The following ZNF451 variants were observed in gnomAD, a reference collection of about 807,000 sequenced individuals.
ZNF451 encodes E3 SUMO-protein ligase ZNF451.
A neutral mutation model predicts 107.1 loss-of-function variants in ZNF451; 80 were observed. That is an observed-to-expected ratio of 0.75 (90% CI 0.62 to 0.90). The LOEUF is 0.90. Among genes scored for constraint, ZNF451 ranks in the 40% least tolerant of loss-of-function variants. ZNF451 has a pLI of 0.00. For synonymous variants in ZNF451, 362 were observed against 406.5 expected (o/e 0.89, Z 1.32); for missense variants, 1,107 against 1,236.2 (o/e 0.90, Z 1.57).
At position 57,125,898 on chromosome 6, in the gene ZNF451, C is replaced by T. The variant is rs561460302; in HGVS notation, c.312+1039C>T. Reference sequence around the variant, plus strand: ...TATTATTTTTATCCTGGCAGAAACACTATTCAATTTTAAGGAAGTTCCCCA... The same window carrying T: ...TATTATTTTTATCCTGGCAGAAACATTATTCAATTTTAAGGAAGTTCCCCA... On this transcript the variant is annotated intron_variant, in intron 4 of 14. Transcript: ENST00000370706. Among the ~76,000 whole-genome samples the T allele has an allele frequency of 2.0e-5, 3 of 152,112 alleles. No homozygotes were observed. The East Asian group carries it at 5.8e-4, about 29-fold the overall frequency.
intron 13 of ZNF451, among the ~76,000 whole-genome samples, chr6:57,157,566 A>G (rs1012822379): frequency 1.3e-5 from 2 of 152,190 alleles, no homozygotes; most frequent in Admixed American, 1.3e-4. Flanking sequence ...CAACATGAGC[A>G]TTTTAATTAC....
At chr6:57,118,087 A>G (rs1369601202) in intron 3 of ZNF451, among the ~76,000 whole-genome samples, 1 of 152,234 alleles carries the variant, frequency 6.6e-6, no homozygotes, top group Non-Finnish European at 1.5e-5. Flanking sequence ...GTGTAAGGGT[A>G]GCAACTTGAA....
intron 3 of ZNF451, chr6:57,104,546 G>A (rs1177827936): frequency 2.0e-6 from 2 of 984,886 alleles, no homozygotes; most frequent in African/African-American, 1.8e-5. Flanking sequence ...TGTCTGAAAC[G>A]ATTTTGGCAC....
At chr6:57,106,280 G>A in intron 3 of ZNF451, 1 of 647,524 alleles carries the variant, frequency 1.5e-6, no homozygotes, top group Non-Finnish European at 1.9e-6. Flanking sequence ...CTTTGTAGAA[G>A]TAGTTTAAAG....
rs1329472759 is a variant in ZNF451, at chr6:57,138,423, C to T, written c.703-2879C>T. 4.6e-5 allele frequency among the ~76,000 whole-genome samples: 7 copies of T among 151,570 alleles called. No individual in the cohort carries two copies. In the South Asian group the frequency reaches 6.3e-4, roughly 14 times the overall value. On this transcript the variant is annotated intron_variant, in intron 7 of 14. Transcript: ENST00000370706. ...GATTACAGGCGCCTGCCACCACACC[C>T]GGCTAATTTTTTGTATTTTTAGTAG...
intron 3 of ZNF451, among the ~76,000 whole-genome samples, chr6:57,113,151 T>A (rs1830188383): frequency 6.6e-6 from 1 of 152,116 alleles, no homozygotes. Context: ...CCCTCCTCCC[T>A]CATTCAGGCC....
At chr6:57,100,350 C>T (rs1237580557) in intron 3 of ZNF451, among the ~76,000 whole-genome samples, 4 of 152,130 alleles carry the variant, frequency 2.6e-5, no homozygotes, top group East Asian at 1.9e-4. Flanking sequence ...TTTTTACTCT[C>T]TCCTTTTTCA....
At chr6:57,105,352 A>G (rs1284803622) in intron 3 of ZNF451, 2 of 983,812 alleles carry the variant, frequency 2.0e-6, no homozygotes, top group Non-Finnish European at 2.4e-6. Context: ...GTTACTGTGT[A>G]TAGAGAAGTA....
At chr6:57,104,416 T>G in intron 3 of ZNF451, 1 of 985,398 alleles carries the variant, frequency 1.0e-6, no homozygotes, top group Non-Finnish European at 1.2e-6. Context: ...CTTTTCACTT[T>G]CCATTTGTCC....
At chr6:57,145,085 T>C (rs1831996097) in intron 9 of ZNF451, among the ~76,000 whole-genome samples, 1 of 152,236 alleles carries the variant, frequency 6.6e-6, no homozygotes, top group Non-Finnish European at 1.5e-5. Flanking sequence ...AGTTTTTTTC[T>C]TTTGAAATAT....
At chr6:57,106,700 G>C in intron 3 of ZNF451, 1 of 980,796 alleles carries the variant, frequency 1.0e-6, no homozygotes, top group Non-Finnish European at 1.2e-6. Context: ...CTATCATTCT[G>C]TATTTAATGT....
At chr6:57,125,883 AT>A (rs1309204358) in intron 4 of ZNF451, among the ~76,000 whole-genome samples, 1 of 152,140 alleles carries the variant, frequency 6.6e-6, no homozygotes, top group African/African-American at 2.4e-5. Flanking sequence ...TATTATTTTT[AT>A]CCTGGCAGAA....
At chr6:57,107,431 A>T (rs1829915725) in intron 3 of ZNF451, 1 of 985,146 alleles carries the variant, frequency 1.0e-6, no homozygotes, top group South Asian at 4.7e-5. Flanking sequence ...CCAATATCTC[A>T]AACTACTTTG....
intron 3 of ZNF451, chr6:57,108,698 T>C: frequency 1.0e-6 from 1 of 985,442 alleles, no homozygotes; most frequent in Non-Finnish European, 1.2e-6. Context: ...TGACAGGTCT[T>C]GGAAGCATGT....
At chr6:57,103,464 T>G (rs1479739783) in intron 3 of ZNF451, 1 of 985,318 alleles carries the variant, frequency 1.0e-6, no homozygotes, top group East Asian at 1.1e-4. Flanking sequence ...ATACTGGAAC[T>G]GGCAGCAGAT....
intron 7 of ZNF451, among the ~76,000 whole-genome samples, chr6:57,136,970 C>T (rs1831461221): frequency 6.6e-6 from 1 of 152,292 alleles, no homozygotes; most frequent in African/African-American, 2.4e-5. Flanking sequence ...CTGGGTTCCA[C>T]TGTTACTATT....
At chr6:57,131,342 C>G (rs1432696758) in intron 5 of ZNF451, among the ~76,000 whole-genome samples, 2 of 152,014 alleles carry the variant, frequency 1.3e-5, no homozygotes, top group Non-Finnish European at 2.9e-5. Context: ...TTTGCCTTTC[C>G]ATGGGGAAGC....
At chr6:57,137,808 GATTTATCT>G (rs1443142166) in intron 7 of ZNF451, among the ~76,000 whole-genome samples, 5 of 152,026 alleles carry the variant, frequency 3.3e-5, no homozygotes, top group Non-Finnish European at 7.4e-5. Flanking sequence ...TGTCTCCATG[GATTTATCT>G]ATTGTGGATA....
chr6:57,148,831 G>T (rs1429719550), intron 10 of ZNF451, 138 bp downstream of exon 10: 2 of 762,954 alleles, frequency 2.6e-6, no homozygotes, highest in Non-Finnish European at 3.9e-6. Context: ...TACATTTTAG[G>T]GGTTTGTATT....
Sources: allele counts gnomAD v4.1 joint callset (sites outside exome capture counted in the v4.1 genomes callset), GRCh38; gene constraint gnomAD v4.1.1; transcripts MANE v1.5; gene names NCBI Gene and HGNC (gene_info 2026-07-23, HGNC 2026-07-21).